The following KCND2 variants were observed in gnomAD, a reference collection of about 807,000 sequenced individuals.
KCND2 encodes potassium voltage-gated channel subfamily D member 2.
Under a neutral mutation model 54.4 loss-of-function variants are expected in KCND2, and 16 were observed. That is an observed-to-expected ratio of 0.29 (90% CI 0.20 to 0.45). The LOEUF (loss-of-function observed/expected upper bound fraction) is 0.45. Among genes scored for constraint, KCND2 ranks in the 20% least tolerant of loss-of-function variants. The pLI is 1.00. For missense variants in KCND2, 486 were observed against 824.2 expected (o/e 0.59, Z 5.02); for synonymous variants, 317 against 310.7 (o/e 1.02, Z -0.21).
At chr7:120,383,818 CA>C (rs1800949713) in intron 1 of KCND2, among the ~76,000 whole-genome samples, 2 of 152,034 alleles carry the variant, frequency 1.3e-5, no homozygotes, top group South Asian at 4.1e-4. Context: ...ATTTAAAAGG[CA>C]AAATATACTT....
intron 1 of KCND2, among the ~76,000 whole-genome samples, chr7:120,454,634 G>A (rs1802167736): frequency 2.0e-5 from 3 of 151,976 alleles, no homozygotes; most frequent in Admixed American, 2.0e-4. Context: ...ATAAAGAAGA[G>A]CTTGTACCAT....
intron 2 of KCND2, among the ~76,000 whole-genome samples, chr7:120,740,302 A>G (rs1413864494): frequency 2.0e-5 from 3 of 151,984 alleles, no homozygotes; most frequent in Non-Finnish European, 2.9e-5. Flanking sequence ...TCATATGTTT[A>G]TATTTATTTT....
chr7:120,722,473 C>A (rs997766924), intron 1 of KCND2, among the ~76,000 whole-genome samples: 9 of 152,202 alleles, frequency 5.9e-5, no homozygotes, highest in African/African-American at 2.2e-4. Context: ...TTCTCTGCCA[C>A]AATAAAGAGC....
At chr7:120,686,203 T>C (rs958273405) in intron 1 of KCND2, among the ~76,000 whole-genome samples, 1 of 152,142 alleles carries the variant, frequency 6.6e-6, no homozygotes, top group African/African-American at 2.4e-5. Flanking sequence ...TTGTGAACAA[T>C]GCTGAAATGA....
chr7:120,351,244 G>GTATATATA (rs3067025), intron 1 of KCND2, among the ~76,000 whole-genome samples: 5,203 of 137,226 alleles, frequency 0.038, 152 homozygotes, highest in African/African-American at 0.048. Context: ...TTATATGTGT[G>GTATATATA]TATATATATA....
intron 1 of KCND2, among the ~76,000 whole-genome samples, chr7:120,355,240 C>G (rs1584744285): frequency 6.6e-6 from 1 of 152,274 alleles, no homozygotes; most frequent in East Asian, 1.9e-4. Context: ...AGAACACTTT[C>G]AGTAGAGTAT....
intron 1 of KCND2, among the ~76,000 whole-genome samples, chr7:120,497,831 A>G (rs142957208): frequency 1.4e-4 from 21 of 152,290 alleles, no homozygotes; most frequent in African/African-American, 5.1e-4. Flanking sequence ...CAGCCTGATA[A>G]AATAGTTTCA....
At chr7:120,521,876 A>G (rs1046503191) in intron 1 of KCND2, among the ~76,000 whole-genome samples, 4 of 151,838 alleles carry the variant, frequency 2.6e-5, no homozygotes, top group African/African-American at 9.7e-5. Context: ...TTGGGAGAAA[A>G]CTCTGTGTTT....
intron 1 of KCND2, among the ~76,000 whole-genome samples, chr7:120,569,238 A>G (rs950552157): frequency 6.6e-6 from 1 of 152,128 alleles, no homozygotes; most frequent in South Asian, 2.1e-4. Context: ...GACTACAAAT[A>G]ACTGAATGCT....
chr7:120,471,992 C>T (rs531974614), intron 1 of KCND2, among the ~76,000 whole-genome samples: 1 of 151,860 alleles, frequency 6.6e-6, no homozygotes, highest in South Asian at 2.1e-4. Flanking sequence ...TTAACTGTCA[C>T]TTTAACTCTT....
At chr7:120,554,566 T>G (rs920474924) in intron 1 of KCND2, among the ~76,000 whole-genome samples, 1 of 151,870 alleles carries the variant, frequency 6.6e-6, no homozygotes, top group Non-Finnish European at 1.5e-5. Context: ...CCGCCACCAC[T>G]ACTGGCTAAT....
chr7:120,648,223 A>G (rs1356004041), intron 1 of KCND2, among the ~76,000 whole-genome samples: 1 of 152,194 alleles, frequency 6.6e-6, no homozygotes, highest in Non-Finnish European at 1.5e-5. Flanking sequence ...ATAATTAAAA[A>G]GATGATTAAG....
chr7:120,346,157 G>A lies in KCND2; in HGVS notation c.1115+70410G>A, dbSNP rs142478074. Among the ~76,000 whole-genome samples, 415 of 152,158 alleles carry A rather than the reference G, an allele frequency of 2.7e-3. 5 individuals carry two copies. Among genetic ancestry groups the A allele is most frequent in the African/African-American group, 9.7e-3 (403 of 41,512 alleles). Reference sequence around the variant, plus strand: ...GTATATCTTTGTTGAAATATCTGTTGAGACCCTTTGGCCATTTTTTAATTG... The same window carrying A: ...GTATATCTTTGTTGAAATATCTGTTAAGACCCTTTGGCCATTTTTTAATTG... On this transcript the variant is annotated intron_variant, in intron 1 of 5. Transcript: ENST00000331113.
At chr7:120,620,196 T>G (rs1793080636) in intron 1 of KCND2, among the ~76,000 whole-genome samples, 1 of 151,978 alleles carries the variant, frequency 6.6e-6, no homozygotes, top group African/African-American at 2.4e-5. Flanking sequence ...ATTTAAATGC[T>G]ACCATTCATT....
intron 1 of KCND2, among the ~76,000 whole-genome samples, chr7:120,564,254 A>G (rs191939543): frequency 1.2e-4 from 18 of 152,322 alleles, no homozygotes; most frequent in African/African-American, 4.1e-4. Flanking sequence ...AATATCACAG[A>G]TAAAGCTGCT....
intron 1 of KCND2, among the ~76,000 whole-genome samples, chr7:120,400,314 T>C (rs1041258861): frequency 6.6e-6 from 1 of 152,152 alleles, no homozygotes; most frequent in Non-Finnish European, 1.5e-5. Context: ...TTAAAAAATG[T>C]ATTTTATGAC....
At chr7:120,480,345 C>T (rs1050694927) in intron 1 of KCND2, among the ~76,000 whole-genome samples, 3 of 152,008 alleles carry the variant, frequency 2.0e-5, no homozygotes, top group African/African-American at 4.8e-5. Flanking sequence ...ATACTGATAC[C>T]AGCCCCCAAC....
chr7:120,344,723 C>T (rs1800289106), intron 1 of KCND2, among the ~76,000 whole-genome samples: 1 of 152,102 alleles, frequency 6.6e-6, no homozygotes, highest in African/African-American at 2.4e-5. Context: ...AGTGTGTGGG[C>T]TTTTTCTTTC....
chr7:120,586,689 G>A (rs376293729), intron 1 of KCND2, among the ~76,000 whole-genome samples: 39 of 152,180 alleles, frequency 2.6e-4, no homozygotes, highest in South Asian at 2.5e-3. Flanking sequence ...CTTTCTCAAC[G>A]GTTTCCTGAC....
Sources: allele counts gnomAD v4.1 joint callset (sites outside exome capture counted in the v4.1 genomes callset), GRCh38; gene constraint gnomAD v4.1.1; transcripts MANE v1.5; gene names NCBI Gene and HGNC (gene_info 2026-07-23, HGNC 2026-07-21).